Variants in SMOC1 observed in about 807,000 individuals in gnomAD.
The protein encoded by SMOC1 is SPARC related modular calcium binding 1, also known as SPARC-related modular calcium-binding protein 1.
In SMOC1, 22 loss-of-function variants were observed where a neutral mutation model predicts 56.3. That is an observed-to-expected ratio of 0.39 (90% CI 0.28 to 0.56). The LOEUF (loss-of-function observed/expected upper bound fraction) is 0.56, where lower values mean the gene tolerates loss of function less well. SMOC1 is among the 20% of genes least tolerant of loss of function. SMOC1 has a pLI of 0.61. For synonymous variants in SMOC1, 193 were observed against 215.0 expected (o/e 0.90, Z 0.89); for missense variants, 509 against 565.4 (o/e 0.90, Z 1.01).
chr14:69,997,903 C>T (rs749801577), intron 7 of SMOC1, among the ~76,000 whole-genome samples: 7 of 152,072 alleles, frequency 4.6e-5, no homozygotes, highest in African/African-American at 1.2e-4. Flanking sequence ...TGAAGCCCAT[C>T]GGGGTGAGAG....
chr14:69,970,381 T>C (rs761398013), intron 3 of SMOC1, among the ~76,000 whole-genome samples: 1 of 152,186 alleles, frequency 6.6e-6, no homozygotes, highest in African/African-American at 2.4e-5. Context: ...TTTTGAAGTG[T>C]TTGGGTTAGA....
intron 7 of SMOC1, among the ~76,000 whole-genome samples, chr14:70,000,037 C>T (rs1884908994): frequency 6.6e-6 from 1 of 152,176 alleles, no homozygotes; most frequent in South Asian, 2.1e-4. Context: ...TGCTAAGACA[C>T]TGAAATTGAA....
intron 1 of SMOC1, among the ~76,000 whole-genome samples, chr14:69,927,605 G>C (rs1594806538): frequency 6.6e-6 from 1 of 152,286 alleles, no homozygotes; most frequent in East Asian, 1.9e-4. Context: ...GAGCCCCAGA[G>C]GCAGAGGTTG....
In SMOC1 at chr14:70,023,201, A is replaced by C; in HGVS notation, c.1047-2A>C. On this transcript the variant is annotated splice_acceptor_variant, in intron 10 of 11. Transcript: ENST00000361956. LOFTEE classifies it high-confidence loss of function. ...CGGTGGGGGTGTTTGTCCATGGCCCAGGTTCTCAGAGCCAGACCCCAGCCA... is the reference window on the plus strand; with the variant it reads ...CGGTGGGGGTGTTTGTCCATGGCCCCGGTTCTCAGAGCCAGACCCCAGCCA... 1 of 1,614,084 alleles carries C rather than the reference A, an allele frequency of 6.2e-7. No individual in the cohort carries two copies. Among genetic ancestry groups the C allele is most frequent in the Non-Finnish European group, 8.5e-7 (1 of 1,180,006 alleles).
chr14:69,904,780 G>A (rs1027437693), intron 1 of SMOC1, among the ~76,000 whole-genome samples: 1 of 152,188 alleles, frequency 6.6e-6, no homozygotes, highest in Admixed American at 6.5e-5. Context: ...TAGGTGAAAT[G>A]GGAGGTAATC....
intron 1 of SMOC1, among the ~76,000 whole-genome samples, chr14:69,940,642 C>G (rs1882517945): frequency 6.6e-6 from 1 of 152,176 alleles, no homozygotes; most frequent in African/African-American, 2.4e-5. Context: ...CTTTGCACCC[C>G]CACAAGTCTA....
chr14:69,993,551 G>T lies in SMOC1; in HGVS notation c.584-849G>T, dbSNP rs113737663. On this transcript the variant is annotated intron_variant, in intron 6 of 11. Coordinates refer to ENST00000361956, the MANE Select transcript of SMOC1 (RefSeq NM_001034852.3). ...GAAGAATAAAAAGAAATCATGCCAC[G>T]GGTTAACACTGTGGCTATGGATGTC... Among the ~76,000 whole-genome samples the T allele has an allele frequency of 7.0e-4, 107 of 152,292 alleles. 1 individual carries two copies. The highest frequency in any genetic ancestry group is 2.5e-3 in the African/African-American group (103 of 41,562).
chr14:69,978,019 C>T lies in SMOC1; in HGVS notation c.526+54C>T, dbSNP rs924535456. The T allele has an allele frequency of 5.6e-5, 83 of 1,479,014 alleles. No individual in the cohort carries two copies. In the Admixed American group the frequency reaches 1.4e-3, roughly 24 times the overall value. 91.6% of individuals were successfully genotyped at this position (1,479,014 alleles called of 1,614,324 possible). A position where few individuals can be genotyped will look rare whatever the true frequency, so the allele number is the denominator to read the frequency against. On this transcript the variant is annotated intron_variant, in intron 5 of 11. Coordinates refer to ENST00000361956, the MANE Select transcript of SMOC1 (RefSeq NM_001034852.3). ...TGTTTGCTTCCAAAGGTGGTCCAAGCAGGATTTCTTAGATGAGATAGAAGG... is the reference window on the plus strand; with the variant it reads ...TGTTTGCTTCCAAAGGTGGTCCAAGTAGGATTTCTTAGATGAGATAGAAGG...
intron 10 of SMOC1, among the ~76,000 whole-genome samples, chr14:70,022,072 C>T (rs1398272469): frequency 1.3e-5 from 2 of 152,128 alleles, no homozygotes; most frequent in Non-Finnish European, 2.9e-5. Context: ...TTCTCCTTCC[C>T]CAGGGGAAGT....
intron 1 of SMOC1, among the ~76,000 whole-genome samples, chr14:69,882,853 T>C (rs1023647112): frequency 6.6e-6 from 1 of 152,212 alleles, no homozygotes; most frequent in Non-Finnish European, 1.5e-5. Flanking sequence ...TTGTTGGTAC[T>C]GATGGAATGA....
intron 1 of SMOC1, among the ~76,000 whole-genome samples, chr14:69,917,604 G>A (rs1170702771): frequency 6.6e-6 from 1 of 152,196 alleles, no homozygotes; most frequent in Non-Finnish European, 1.5e-5. Context: ...GTGTGTGCTG[G>A]CGGTCTTCAG....
intron 1 of SMOC1, among the ~76,000 whole-genome samples, chr14:69,935,436 T>A (rs1031518845): frequency 2.0e-5 from 3 of 152,226 alleles, no homozygotes; most frequent in Admixed American, 2.0e-4. Context: ...TGGAGGCCGA[T>A]CAGAAGGCAG....
chr14:69,892,405 A>G (rs752382801), intron 1 of SMOC1, among the ~76,000 whole-genome samples: 1 of 152,256 alleles, frequency 6.6e-6, no homozygotes, highest in Non-Finnish European at 1.5e-5. Flanking sequence ...AGATTCTGTG[A>G]AGGTAATTGG....
chr14:69,991,041 A>G (rs1249451293), intron 5 of SMOC1, among the ~76,000 whole-genome samples: 1 of 152,158 alleles, frequency 6.6e-6, no homozygotes, highest in African/African-American at 2.4e-5. Context: ...AAGATGCACG[A>G]AAGTCGGCCA....
chr14:69,997,858 G>A (rs1884824000), intron 7 of SMOC1, among the ~76,000 whole-genome samples: 1 of 152,130 alleles, frequency 6.6e-6, no homozygotes. Flanking sequence ...GTGTGCTTCA[G>A]CCTGCATCCC....
chr14:70,011,459 C>CT (rs1885336231), intron 8 of SMOC1, 26 bp from the exon 9 acceptor site: 55 of 1,326,770 alleles, frequency 4.1e-5, no homozygotes, highest in Non-Finnish European at 5.4e-5. Context: ...CCCCTCCCAA[C>CT]CCCCCCCATA....
chr14:70,013,857 G>A (rs186153353), intron 10 of SMOC1, among the ~76,000 whole-genome samples: 2 of 152,324 alleles, frequency 1.3e-5, no homozygotes, highest in East Asian at 1.9e-4. Context: ...CAGAGAGGGA[G>A]CACAAAGCAC....
At chr14:69,982,709 T>A (rs899015107) in intron 5 of SMOC1, among the ~76,000 whole-genome samples, 1 of 152,162 alleles carries the variant, frequency 6.6e-6, no homozygotes, top group African/African-American at 2.4e-5. Context: ...ACTACCTCTT[T>A]TTTCTCTTCC....
intron 3 of SMOC1, among the ~76,000 whole-genome samples, chr14:69,970,391 ATTGGTG>A (rs1883716409): frequency 6.6e-6 from 1 of 152,114 alleles, no homozygotes; most frequent in African/African-American, 2.4e-5. Context: ...TTTGGGTTAG[ATTGGTG>A]ACCTCTAAGG....
Sources: gnomAD v4.1 joint callset for allele counts (sites outside exome capture counted in the v4.1 genomes callset) on GRCh38, gnomAD v4.1.1 for gene constraint, MANE v1.5 for transcripts, NCBI Gene and HGNC (gene_info 2026-07-23, HGNC 2026-07-21) for gene names.